The following ZNF479 variants were observed in gnomAD, a reference collection of about 807,000 sequenced individuals.
ZNF479 encodes the protein KRAB zinc finger protein KR19.
In ZNF479, 15 loss-of-function variants were observed where a neutral mutation model predicts 14.7. The ratio of observed to expected loss-of-function variants is 1.02; its 90% CI spans 0.68 to 1.57. ZNF479 has a LOEUF of 1.57. Among genes scored for constraint, ZNF479 ranks in the 40% most tolerant of loss-of-function variants. The probability of loss-of-function intolerance (pLI) is 0.00; values close to 1 mark genes in which losing one functional copy is unlikely to be tolerated. For missense variants in ZNF479, 506 were observed against 615.1 expected, an observed-to-expected ratio of 0.82 and a Z score of 1.88; for synonymous variants, 145 against 211.5, an observed-to-expected ratio of 0.69 and a Z score of 2.73.
rs547348414 is a variant in ZNF479, at chr7:57,130,744, C to G, written c.39+1542G>C. On this transcript the variant is annotated intron_variant, in intron 1 of 3. Transcript: ENST00000319636. ...GAAAACAGAATTACCATTCCCAATC[C>G]CGCAATTGGGAATATACCCAGTGAA... Among the ~76,000 whole-genome samples, 4 of 152,242 alleles carry G rather than the reference C, an allele frequency of 2.6e-5. No homozygotes were observed. The South Asian group carries it at 8.3e-4, about 32-fold the overall frequency.
intron 1 of ZNF479, among the ~76,000 whole-genome samples, chr7:57,137,704 C>T (rs1260049038): frequency 1.3e-5 from 2 of 152,104 alleles, no homozygotes; most frequent in African/African-American, 4.8e-5. Context: ...TGCCTGGGCC[C>T]GGCCTGCAGT....
At chr7:57,123,527 A>G (rs1459931781) in intron 3 of ZNF479, among the ~76,000 whole-genome samples, 1 of 152,166 alleles carries the variant, frequency 6.6e-6, no homozygotes, top group Non-Finnish European at 1.5e-5. Flanking sequence ...TAGAACACAT[A>G]AGTCTTGGTA....
At chr7:57,136,111 T>G (rs1238090289), upstream of ZNF479, among the ~76,000 whole-genome samples, 1 of 151,498 alleles carries the variant, frequency 6.6e-6, no homozygotes, top group East Asian at 1.9e-4. Context: ...AGGCCAGGCA[T>G]GGTGACTCAC....
upstream of ZNF479, among the ~76,000 whole-genome samples, chr7:57,132,653 C>T (rs551298762): frequency 1.3e-4 from 20 of 152,254 alleles, no homozygotes; most frequent in African/African-American, 4.6e-4. Flanking sequence ...GGAGCCAGGC[C>T]AACTTCAGAG....
At position 57,120,878 on chromosome 7, in the gene ZNF479, A is replaced by C. The variant is rs1554400422; in HGVS notation, c.537T>G (p.Tyr179Ter). The C allele has an allele frequency of 1.2e-6, 2 of 1,613,962 alleles. No individual in the cohort carries two copies. The highest frequency in any genetic ancestry group is 1.7e-6 in the Non-Finnish European group (2 of 1,179,952). The change falls in exon 4 of 4, where the codon TAT becomes TAG. Residue 179 changes from tyrosine to a stop codon, truncating the protein, a stop_gained. Coordinates refer to ENST00000319636, the MANE Select transcript of ZNF479 (RefSeq NM_001370129.2). LOFTEE classifies it low-confidence loss of function (END_TRUNC). ...TACATTTGAAATGTTTATTTCCAGTATATCTTGTTTTATCTCTATTGGAAT... is the reference window on the plus strand; with the variant it reads ...TACATTTGAAATGTTTATTTCCAGTCTATCTTGTTTTATCTCTATTGGAAT... ...FSNSNRDKTR[Y>*]TGNKHFKCNK...
chr7:57,136,860 A>T (rs1786673233), upstream of ZNF479, among the ~76,000 whole-genome samples: 1 of 152,202 alleles, frequency 6.6e-6, no homozygotes, highest in Admixed American at 6.5e-5. Context: ...CAGATTTGTA[A>T]AACTGCTTGC....
At chr7:57,136,573 T>G (rs1399172172), upstream of ZNF479, among the ~76,000 whole-genome samples, 2 of 152,344 alleles carry the variant, frequency 1.3e-5, no homozygotes, top group South Asian at 2.1e-4. Context: ...TATGTTATAC[T>G]TAACTCTAAA....
chr7:57,135,812 C>G (rs1488384713), upstream of ZNF479, among the ~76,000 whole-genome samples: 2 of 152,040 alleles, frequency 1.3e-5, no homozygotes, highest in African/African-American at 4.8e-5. Context: ...TTTTTCCTCC[C>G]TAAAGTGGGA....
At chr7:57,124,698 A>G (rs1418725356) in intron 3 of ZNF479, among the ~76,000 whole-genome samples, 3 of 152,230 alleles carry the variant, frequency 2.0e-5, no homozygotes, top group African/African-American at 7.2e-5. Flanking sequence ...ATATTTGAAA[A>G]TCACATGTGA....
chr7:57,137,764 C>T (rs369282698), intron 1 of ZNF479, among the ~76,000 whole-genome samples: 2 of 152,158 alleles, frequency 1.3e-5, no homozygotes, highest in South Asian at 4.1e-4. Context: ...TGTGACTTTC[C>T]TGCTTGGGCT....
intron 1 of ZNF479, 110 bp downstream of exon 1, chr7:57,132,176 C>G (rs1010235155): frequency 1.3e-6 from 2 of 1,592,064 alleles, no homozygotes; most frequent in African/African-American, 1.3e-5. Context: ...GGATTTGGGT[C>G]GGCAGGCCCT....
At chr7:57,123,671 A>C (rs1225615620) in intron 3 of ZNF479, among the ~76,000 whole-genome samples, 1 of 151,984 alleles carries the variant, frequency 6.6e-6, no homozygotes, top group Non-Finnish European at 1.5e-5. Flanking sequence ...CTGTCTCTAC[A>C]AATAATTCAA....
chr7:57,122,358 C>T (rs1785991684), intron 3 of ZNF479, among the ~76,000 whole-genome samples: 1 of 143,828 alleles, frequency 7.0e-6, no homozygotes, highest in South Asian at 2.3e-4. Flanking sequence ...GGCACATAAT[C>T]ATTGTATGTG....
chr7:57,132,265 G>A lies in ZNF479; in HGVS notation c.39+21C>T, dbSNP rs769318140. The A allele has an allele frequency of 1.4e-5, 22 of 1,613,860 alleles. No homozygotes were observed. In the Admixed American group the frequency reaches 2.2e-4, roughly 16 times the overall value. On this transcript the variant is annotated intron_variant, in intron 1 of 3. Coordinates refer to ENST00000319636, the MANE Select transcript of ZNF479 (RefSeq NM_001370129.2). ...CAATCAGCCCCCACCCCTCTCTCAC[G>A]ATGACAGACCCAGCACTCACCATTT...
Position 57,119,482 on chromosome 7 carries a change from C to T in ZNF479, c.*358G>A. The T allele has an allele frequency of 1.3e-5, 3 of 222,354 alleles. No homozygotes were observed. Among genetic ancestry groups the T allele is most frequent in the Non-Finnish European group, 2.7e-5 (3 of 111,492 alleles). 13.8% of individuals were successfully genotyped at this position (222,354 alleles called of 1,614,324 possible). A position where few individuals can be genotyped will look rare whatever the true frequency, so the allele number is the denominator to read the frequency against. ...AATCAGCCAGTGTGGTGGCACACGC[C>T]TGTAATCCCAGCTACTCAGGAGGCT... On this transcript the variant is annotated 3_prime_UTR_variant, in exon 4 of 4. Transcript: ENST00000319636.
chr7:57,131,056 A>C (rs1786395699), intron 1 of ZNF479, among the ~76,000 whole-genome samples: 1 of 152,170 alleles, frequency 6.6e-6, no homozygotes, highest in South Asian at 2.1e-4. Context: ...AATAATGAGA[A>C]CACGTGGACA....
upstream of ZNF479, among the ~76,000 whole-genome samples, chr7:57,134,424 A>G (rs932319330): frequency 6.6e-6 from 1 of 152,190 alleles, no homozygotes; most frequent in Non-Finnish European, 1.5e-5. Flanking sequence ...GAGTTACCTT[A>G]CATGGTCTAA....
chr7:57,120,929 A>C lies in ZNF479; in HGVS notation c.486T>G (p.Tyr162Ter). Residue 162 changes from tyrosine to a stop codon, truncating the protein, a stop_gained, in exon 4 of 4, where the codon TAT (tyrosine) becomes TAG (stop). Transcript: ENST00000319636. LOFTEE classifies it low-confidence loss of function (END_TRUNC). ...TQNKIFQTHKYVKVFGKFSNS... is the reference protein window; with the variant it reads ...TQNKIFQTHK ...TTGAAAATTTACCAAAGACTTTGAC[A>C]TATTTATGAGTCTGAAATATTTTGT... 1.2e-6 allele frequency: 2 copies of C among 1,613,980 alleles called. No homozygotes were observed. The highest frequency in any genetic ancestry group is 2.2e-5 in the South Asian group (2 of 91,080).
chr7:57,128,112 T>G (rs1786258447), intron 1 of ZNF479, among the ~76,000 whole-genome samples: 1 of 151,874 alleles, frequency 6.6e-6, no homozygotes, highest in African/African-American at 2.4e-5. Context: ...TTTTTGTATT[T>G]TTTTTTAGTA....
Sources: allele counts gnomAD v4.1 joint callset (sites outside exome capture counted in the v4.1 genomes callset), GRCh38; gene constraint gnomAD v4.1.1; transcripts MANE v1.5; gene names NCBI Gene and HGNC (gene_info 2026-07-23, HGNC 2026-07-21).